Variants in NCALD observed in about 807,000 individuals in gnomAD.
NCALD encodes neurocalcin-delta.
In NCALD, 10 loss-of-function variants were observed where a neutral mutation model predicts 18.6. The ratio of observed to expected loss-of-function variants is 0.54; its 90% confidence interval spans 0.33 to 0.91. The LOEUF (loss-of-function observed/expected upper bound fraction) is 0.91, where lower values mean the gene tolerates loss of function less well. NCALD is among the 40% of genes least tolerant of loss of function. The probability of loss-of-function intolerance (pLI) is 0.03; values close to 1 mark genes in which losing one functional copy is unlikely to be tolerated. For synonymous variants in NCALD, 88 were observed against 87.4 expected (o/e 1.01, Z -0.04); for missense variants, 184 against 247.6 (o/e 0.74, Z 1.72).
intron 4 of NCALD, among the ~76,000 whole-genome samples, chr8:101,801,250 C>T (rs1394988716): frequency 1.3e-5 from 2 of 151,994 alleles, no homozygotes; most frequent in African/African-American, 4.8e-5. Flanking sequence ...TTTTAAAAAT[C>T]ACAATCAAAG....
intron 1 of NCALD, 77 bp downstream of exon 1, chr8:101,790,785 T>C (rs1263974692): frequency 6.6e-6 from 1 of 152,214 alleles, no homozygotes; most frequent in African/African-American, 2.4e-5. Flanking sequence ...TACAAACTTG[T>C]AGGAGGTAAG....
intron 1 of NCALD, among the ~76,000 whole-genome samples, chr8:102,102,566 T>A (rs1825320520): frequency 6.6e-6 from 1 of 152,080 alleles, no homozygotes; most frequent in South Asian, 2.1e-4. Context: ...CAAAGGCACC[T>A]AGCAAGTGGA....
chr8:101,965,050 A>G (rs1201675429), intron 2 of NCALD, among the ~76,000 whole-genome samples: 1 of 152,246 alleles, frequency 6.6e-6, no homozygotes, highest in African/African-American at 2.4e-5. Context: ...AATGCACATC[A>G]AAACCGCAAT....
At chr8:101,861,795 C>T (rs1815553949) in intron 4 of NCALD, among the ~76,000 whole-genome samples, 1 of 152,060 alleles carries the variant, frequency 6.6e-6, no homozygotes, top group African/African-American at 2.4e-5. Flanking sequence ...GATAGGAAGG[C>T]AGATGAGAAA....
rs1209625230 is a variant in NCALD at position 102,087,321 on chromosome 8, C to T, written c.-210+36916G>A. The stretch of plus-strand genomic sequence containing the variant: ...GGTAAGTGGTGGGGTCTGGTAACAT[C>T]TTTCTGGCAAACCATGAAAGAGATG... On this transcript the variant is annotated intron_variant, in intron 1 of 6. Coordinates refer to the NCALD transcript ENST00000311028. Among the ~76,000 whole-genome samples the T allele has an allele frequency of 2.6e-5, 4 of 151,970 alleles. No individual in the cohort carries two copies. The East Asian group carries it at 7.7e-4, about 29-fold the overall frequency.
chr8:102,051,236 G>A (rs929384416), intron 1 of NCALD, among the ~76,000 whole-genome samples: 2 of 152,026 alleles, frequency 1.3e-5, no homozygotes, highest in Non-Finnish European at 2.9e-5. Flanking sequence ...TCCACCCCTA[G>A]GATCGGTGTG....
At chr8:101,842,431 C>T (rs1756168308) in intron 4 of NCALD, among the ~76,000 whole-genome samples, 1 of 152,188 alleles carries the variant, frequency 6.6e-6, no homozygotes, top group Admixed American at 6.5e-5. Flanking sequence ...ATTAACAGTT[C>T]ATTAAAATAG....
At chr8:101,946,096 T>A (rs1230601940) in intron 2 of NCALD, among the ~76,000 whole-genome samples, 22 of 150,582 alleles carry the variant, frequency 1.5e-4, no homozygotes, top group Admixed American at 1.5e-3. Flanking sequence ...GTTCCCAATG[T>A]CTTGAATAAA....
chr8:101,893,010 G>C (rs1489094160), intron 3 of NCALD, among the ~76,000 whole-genome samples: 1 of 148,800 alleles, frequency 6.7e-6, no homozygotes, highest in South Asian at 2.1e-4. Flanking sequence ...GAAATACAGA[G>C]AACGCCACAA....
chr8:101,766,527 A>T (rs1811354517), intron 1 of NCALD, among the ~76,000 whole-genome samples: 1 of 152,166 alleles, frequency 6.6e-6, no homozygotes, highest in Admixed American at 6.6e-5. Flanking sequence ...GCATCTATAC[A>T]TAAGTGTTTT....
At chr8:101,972,903 T>G (rs1174592496) in intron 2 of NCALD, among the ~76,000 whole-genome samples, 1 of 152,084 alleles carries the variant, frequency 6.6e-6, no homozygotes, top group Non-Finnish European at 1.5e-5. Flanking sequence ...AACAAACAGT[T>G]TGTTCATTTG....
At position 102,101,082 on chromosome 8, in the gene NCALD, C is replaced by T. The variant is rs1455194625; in HGVS notation, c.-210+23155G>A. On this transcript the variant is annotated intron_variant, in intron 1 of 6. Transcript: ENST00000311028. Reference sequence around the variant, plus strand: ...TGTTTTGCATATTTTATACCACGACCAGCAACAAAAACCCTCAAAAATGCT... The same window carrying T: ...TGTTTTGCATATTTTATACCACGACTAGCAACAAAAACCCTCAAAAATGCT... Among the ~76,000 whole-genome samples, 3 of 152,282 alleles carry T rather than the reference C, an allele frequency of 2.0e-5. No individual in the cohort carries two copies. The South Asian group carries it at 6.2e-4, about 32-fold the overall frequency.
chr8:102,046,481 A>G (rs1013633689), intron 1 of NCALD, among the ~76,000 whole-genome samples: 2 of 152,064 alleles, frequency 1.3e-5, no homozygotes, highest in Admixed American at 1.3e-4. Context: ...GTTTATCTTA[A>G]TTCATCTCAC....
At chr8:101,817,650 T>C (rs1348226586) in intron 4 of NCALD, among the ~76,000 whole-genome samples, 1 of 151,362 alleles carries the variant, frequency 6.6e-6, no homozygotes, top group Non-Finnish European at 1.5e-5. Flanking sequence ...TTGCCGACAA[T>C]GAGGATTTCA....
At position 102,069,455 on chromosome 8, in the gene NCALD, C is replaced by T. The variant is rs938935059; in HGVS notation, c.-209-49166G>A. Reference sequence around the variant, plus strand: ...GAGAGTATCAATTAATTTAGATTTTCTGCAGGAATGTTTTGCAATATGAAT... The same window carrying T: ...GAGAGTATCAATTAATTTAGATTTTTTGCAGGAATGTTTTGCAATATGAAT... On this transcript the variant is annotated intron_variant, in intron 1 of 6. Coordinates refer to the NCALD transcript ENST00000311028. Among the ~76,000 whole-genome samples the T allele has an allele frequency of 2.0e-5, 3 of 152,116 alleles. No individual in the cohort carries two copies. In the East Asian group the frequency reaches 5.8e-4, roughly 29 times the overall value.
intron 2 of NCALD, among the ~76,000 whole-genome samples, chr8:101,972,520 T>C (rs555983273): frequency 6.6e-6 from 1 of 152,294 alleles, no homozygotes; most frequent in East Asian, 1.9e-4. Context: ...AACCTGAAGA[T>C]AATTTCTGCA....
intron 3 of NCALD, among the ~76,000 whole-genome samples, chr8:101,895,018 C>T (rs1013863677): frequency 2.0e-5 from 3 of 150,442 alleles, no homozygotes; most frequent in African/African-American, 7.5e-5. Context: ...TTTTATGAGG[C>T]CAGCATCATT....
At chr8:101,903,886 C>A (rs1176694447) in intron 3 of NCALD, among the ~76,000 whole-genome samples, 1 of 152,148 alleles carries the variant, frequency 6.6e-6, no homozygotes, top group Admixed American at 6.5e-5. Flanking sequence ...ATCTGTGAGT[C>A]CCTGGTATGC....
At chr8:102,027,217 C>G (rs1269712) in intron 1 of NCALD, among the ~76,000 whole-genome samples, 138,869 of 152,316 alleles carry the variant, frequency 0.91, 63,373 homozygotes, top group Middle Eastern at 0.93. Context: ...TCTGCAGCAG[C>G]CTTGAATTTC....
Sources: allele counts gnomAD v4.1 joint callset (sites outside exome capture counted in the v4.1 genomes callset), GRCh38; gene constraint gnomAD v4.1.1; transcripts MANE v1.5; gene names NCBI Gene and HGNC (gene_info 2026-07-23, HGNC 2026-07-21).